Variants in BRWD3 observed in about 807,000 individuals in gnomAD.
The protein encoded by BRWD3 is bromodomain and WD repeat domain containing 3, also known as bromodomain and WD repeat-containing protein 3.
A neutral mutation model predicts 149.7 loss-of-function variants in BRWD3; 10 were observed. The observed-to-expected ratio is 0.07, with a 90% CI of 0.04 to 0.11. The LOEUF (loss-of-function observed/expected upper bound fraction) is 0.11, where lower values mean the gene tolerates loss of function less well. Ranked by LOEUF, BRWD3 falls within the 10% of genes least tolerant of loss-of-function variation. The pLI, the probability that BRWD3 is intolerant of heterozygous loss-of-function variation, is 1.00. For missense variants in BRWD3, 940 were observed against 1,373.2 expected (o/e 0.68, Z 4.99); for synonymous variants, 504 against 456.7 (o/e 1.10, Z -1.32).
rs751923950 is a variant in BRWD3 at position 80,699,861 on chromosome X, T to C, written c.2943+96A>G. 1.9e-5 allele frequency: 11 copies of C among 577,452 alleles called. No homozygotes were observed. The Admixed American group carries it at 2.9e-4, about 15-fold the overall frequency. The allele number at this position is 577,452 out of a possible 1,213,427, so 47.6% of individuals were successfully genotyped here. On this transcript the variant is annotated intron_variant, in intron 25 of 40. Coordinates refer to ENST00000373275, the MANE Select transcript of BRWD3 (RefSeq NM_153252.5). ...CTTATCTTGGATACACAATCAACAG[T>C]GAAATATGCATAAAACTGAGGGGAA...
At chrX:80,683,924 C>A in intron 37 of BRWD3, 86 bp downstream of exon 37, 1 of 931,965 alleles carries the variant, frequency 1.1e-6, no homozygotes, top group South Asian at 2.0e-5. Flanking sequence ...ACAAGCAATC[C>A]ATGTTTCAAA....
intron 6 of BRWD3, among the ~76,000 whole-genome samples, chrX:80,788,607 AT>A (rs2074141667): frequency 8.9e-6 from 1 of 111,972 alleles, no homozygotes; most frequent in Non-Finnish European, 1.9e-5. Flanking sequence ...TATTTAACAT[AT>A]GATCCAACAA....
chrX:80,734,454 A>T (rs761435879), intron 10 of BRWD3, among the ~76,000 whole-genome samples: 1 of 111,821 alleles, frequency 8.9e-6, no homozygotes, highest in African/African-American at 3.2e-5. Flanking sequence ...CATAAACATT[A>T]AAGAACACAT....
chrX:80,739,168 C>A (rs1249433512), intron 8 of BRWD3, among the ~76,000 whole-genome samples: 1 of 111,235 alleles, frequency 9.0e-6, no homozygotes, highest in African/African-American at 3.3e-5. Flanking sequence ...GAGAATTTGC[C>A]AGATTCTAGA....
At chrX:80,685,245 A>T (rs1417667058) in intron 36 of BRWD3, among the ~76,000 whole-genome samples, 1 of 111,553 alleles carries the variant, frequency 9.0e-6, no homozygotes, top group African/African-American at 3.2e-5. Flanking sequence ...TACATAAAAA[A>T]GTAAACATTT....
At chrX:80,757,019 C>G (rs1406873662) in intron 6 of BRWD3, among the ~76,000 whole-genome samples, 1 of 111,498 alleles carries the variant, frequency 9.0e-6, no homozygotes, top group Non-Finnish European at 1.9e-5. Context: ...TAAGAAACAA[C>G]TACAAATAAA....
In BRWD3 at chrX:80,673,707, G is replaced by A. The variant is rs946873649; in HGVS notation, c.*2902C>T. On this transcript the variant is annotated 3_prime_UTR_variant, in exon 41 of 41. Coordinates refer to ENST00000373275, the MANE Select transcript of BRWD3 (RefSeq NM_153252.5). ...ATTTAAACATTATTAGCATTTATGA[G>A]AAATATTACAGCTCACTGACTATTC... 9.0e-6 allele frequency: 1 copy of A among 111,580 alleles called. No individual in the cohort carries two copies. The highest frequency in any genetic ancestry group is 3.2e-5 in the African/African-American group (1 of 30,781). The allele number at this position is 111,580 out of a possible 1,213,427, so 9.2% of individuals were successfully genotyped here.
intron 6 of BRWD3, among the ~76,000 whole-genome samples, chrX:80,767,494 A>T (rs1236619372): frequency 9.0e-6 from 1 of 111,288 alleles, no homozygotes; most frequent in Non-Finnish European, 1.9e-5. Context: ...CTAACAAACA[A>T]CAAGGAATAG....
intron 25 of BRWD3, 127 bp from the exon 26 acceptor site, chrX:80,696,990 G>A: frequency 3.0e-6 from 2 of 677,544 alleles, no homozygotes; most frequent in Non-Finnish European, 4.5e-6. Context: ...TACACTAAGT[G>A]TTAAAGGTAA....
chrX:80,716,495 T>C (rs1339567416), intron 19 of BRWD3, among the ~76,000 whole-genome samples: 1 of 112,033 alleles, frequency 8.9e-6, no homozygotes, highest in African/African-American at 3.2e-5. Context: ...TTTCTCCTTC[T>C]TCCTAGCCCC....
intron 24 of BRWD3, among the ~76,000 whole-genome samples, chrX:80,703,036 G>T (rs2147713630): frequency 9.0e-6 from 1 of 111,280 alleles, no homozygotes; most frequent in African/African-American, 3.3e-5. Flanking sequence ...GACTCAGAAA[G>T]AAAGACCTGT....
chrX:80,728,247 A>C (rs2073277816), intron 14 of BRWD3, among the ~76,000 whole-genome samples: 1 of 111,516 alleles, frequency 9.0e-6, no homozygotes, highest in Admixed American at 9.5e-5. Context: ...CATCAACACT[A>C]CCCATGTGAT....
At chrX:80,728,248 C>T (rs1056667068) in intron 14 of BRWD3, among the ~76,000 whole-genome samples, 3 of 111,605 alleles carry the variant, frequency 2.7e-5, no homozygotes, top group Non-Finnish European at 5.7e-5. Context: ...ATCAACACTA[C>T]CCATGTGATT....
At chrX:80,726,469 T>A (rs1342973527) in intron 14 of BRWD3, among the ~76,000 whole-genome samples, 1 of 110,801 alleles carries the variant, frequency 9.0e-6, no homozygotes, top group African/African-American at 3.3e-5. Context: ...CACTGTTGAT[T>A]TTCTTTGGAC....
chrX:80,731,819 C>A (rs747335848), intron 12 of BRWD3, among the ~76,000 whole-genome samples: 1 of 98,899 alleles, frequency 1.0e-5, no homozygotes, highest in Non-Finnish European at 2.0e-5. Context: ...GGCGTGAACC[C>A]GGGAGGCGGA....
chrX:80,768,322 G>A (rs979175865), intron 6 of BRWD3, among the ~76,000 whole-genome samples: 10 of 111,184 alleles, frequency 9.0e-5, no homozygotes, highest in African/African-American at 3.3e-4. Flanking sequence ...GTTAAGGGCA[G>A]AGAGAGAGAA....
chrX:80,739,283 T>C (rs5913315), intron 8 of BRWD3, among the ~76,000 whole-genome samples: 71 of 111,915 alleles, frequency 6.3e-4, no homozygotes, highest in Non-Finnish European at 1.1e-3. Context: ...AAGCATGGTA[T>C]TGCCATTTGT....
At position 80,757,771 on chromosome X, in the gene BRWD3, T is replaced by G. The variant is rs535386358; in HGVS notation, c.431-12042A>C. ...CAGGATAATAGATTTACTGTATATA[T>G]TTTACAAATTTATAAAGTCATAAGA... is the stretch of plus-strand genomic sequence containing the variant. On this transcript the variant is annotated intron_variant, in intron 6 of 40. Coordinates refer to ENST00000373275, the MANE Select transcript of BRWD3 (RefSeq NM_153252.5). 2.0e-4 allele frequency among the ~76,000 whole-genome samples: 23 copies of G among 112,508 alleles called. No individual in the cohort carries two copies. In the East Asian group the frequency reaches 3.1e-3, roughly 15 times the overall value.
chrX:80,805,932 T>A (rs2074344877), intron 4 of BRWD3, among the ~76,000 whole-genome samples: 1 of 111,063 alleles, frequency 9.0e-6, no homozygotes, highest in South Asian at 3.7e-4. Flanking sequence ...AGACTCCCTC[T>A]CAAAAAAAAG....
Sources: allele counts gnomAD v4.1 joint callset (sites outside exome capture counted in the v4.1 genomes callset), GRCh38; gene constraint gnomAD v4.1.1; transcripts MANE v1.5; gene names NCBI Gene and HGNC (gene_info 2026-07-23, HGNC 2026-07-21).